ARHGAP22: variants seen among roughly 807,000 people sequenced by gnomAD.
The protein encoded by ARHGAP22 is Rho GTPase activating protein 22.
ARHGAP22 carries 48 observed loss-of-function variants against 59.1 expected under a neutral mutation model. That is an observed-to-expected ratio of 0.81 (90% CI 0.64 to 1.03). The LOEUF is 1.03. Among genes scored for constraint, ARHGAP22 ranks in the 50% least tolerant of loss-of-function variants. The pLI is 0.00. For missense variants in ARHGAP22, 1,015 were observed against 958.7 expected, an observed-to-expected ratio of 1.06 and a Z score of -0.78; for synonymous variants, 445 against 416.4, an observed-to-expected ratio of 1.07 and a Z score of -0.84.
At chr10:48,520,844 C>T (rs189660831) in intron 3 of ARHGAP22, among the ~76,000 whole-genome samples, 1 of 152,114 alleles carries the variant, frequency 6.6e-6, no homozygotes, top group African/African-American at 2.4e-5. Context: ...AGAATGAGCA[C>T]GTGTCAGGAT....
chr10:48,484,381 T>C (rs2049648293), intron 3 of ARHGAP22, among the ~76,000 whole-genome samples: 1 of 152,244 alleles, frequency 6.6e-6, no homozygotes, highest in Non-Finnish European at 1.5e-5. Context: ...TTTTATATAT[T>C]GTTGTTTTGA....
intron 5 of ARHGAP22, among the ~76,000 whole-genome samples, chr10:48,459,232 C>T (rs1350563278): frequency 2.0e-5 from 3 of 152,106 alleles, no homozygotes; most frequent in African/African-American, 2.4e-5. Flanking sequence ...GGAGGAGACT[C>T]GCTCTCCTGT....
At chr10:48,455,710 C>A (rs2046429885) in intron 5 of ARHGAP22, among the ~76,000 whole-genome samples, 1 of 152,214 alleles carries the variant, frequency 6.6e-6, no homozygotes, top group Admixed American at 6.5e-5. Context: ...TAGGTGCTGC[C>A]AACCCCCAGC....
intron 3 of ARHGAP22, among the ~76,000 whole-genome samples, chr10:48,544,213 T>C (rs2056227888): frequency 6.6e-6 from 1 of 152,196 alleles, no homozygotes. Flanking sequence ...ACAGCTGTCT[T>C]GCCAAGTAGG....
chr10:48,451,485 C>T (rs1207061605), intron 8 of ARHGAP22: 2 of 702,516 alleles, frequency 2.8e-6, no homozygotes, highest in Admixed American at 4.0e-5. Flanking sequence ...AACCTGGGAC[C>T]TGAGATGCCA....
At chr10:48,440,277 A>G in the ARHGAP22 span, among the ~76,000 whole-genome samples, 3 of 152,238 alleles carry the variant, frequency 2.0e-5, no homozygotes, top group African/African-American at 7.2e-5. Context: ...TGAAACCAAA[A>G]GATACTTCAA....
At chr10:48,442,221 G>A (rs1430044107), downstream of ARHGAP22, among the ~76,000 whole-genome samples, 1 of 152,136 alleles carries the variant, frequency 6.6e-6, no homozygotes, top group Non-Finnish European at 1.5e-5. Flanking sequence ...CTCAACTCTG[G>A]GGCTGTGCTT....
intron 3 of ARHGAP22, among the ~76,000 whole-genome samples, chr10:48,529,640 A>C (rs1188230212): frequency 6.6e-6 from 1 of 152,216 alleles, no homozygotes; most frequent in Non-Finnish European, 1.5e-5. Context: ...GGATTCTCCA[A>C]GTGATACCAT....
upstream of ARHGAP22, chr10:48,605,235 G>C (rs1324027035): frequency 1.1e-6 from 1 of 873,140 alleles, no homozygotes; most frequent in African/African-American, 1.8e-5. Flanking sequence ...ATCCTTTGCT[G>C]AGGCTGGAAG....
intron 1 of ARHGAP22, among the ~76,000 whole-genome samples, chr10:48,651,455 C>T (rs532467290): frequency 6.6e-6 from 1 of 151,970 alleles, no homozygotes; most frequent in East Asian, 1.9e-4. Flanking sequence ...CCAGTCAGCA[C>T]CTGCACAACA....
At chr10:48,595,961 C>A (rs1456468796) in intron 1 of ARHGAP22, among the ~76,000 whole-genome samples, 1 of 152,210 alleles carries the variant, frequency 6.6e-6, no homozygotes, top group Non-Finnish European at 1.5e-5. Context: ...ACAGCCTATC[C>A]ATTCCTGCCC....
rs2055263833 is a variant in ARHGAP22 at position 48,535,539 on chromosome 10, C to T, written c.322+19924G>A. 3.3e-5 allele frequency among the ~76,000 whole-genome samples: 5 copies of T among 152,204 alleles called. No individual in the cohort carries two copies. In the South Asian group the frequency reaches 1.0e-3, roughly 32 times the overall value. ...GTCACTCCTACCTGTGTTTCCTTGA[C>T]CAGGGTTTAGTCATGTGACCCTGTC... On this transcript the variant is annotated intron_variant, in intron 3 of 9. Coordinates refer to ENST00000249601, the MANE Select transcript of ARHGAP22 (RefSeq NM_021226.4).
intron 3 of ARHGAP22, among the ~76,000 whole-genome samples, chr10:48,511,910 A>T (rs2052807909): frequency 6.6e-6 from 1 of 152,214 alleles, no homozygotes; most frequent in African/African-American, 2.4e-5. Context: ...CAGGCTGAAG[A>T]ACAGCAGTCC....
At chr10:48,526,799 A>G (rs1001030167) in intron 3 of ARHGAP22, among the ~76,000 whole-genome samples, 1 of 152,252 alleles carries the variant, frequency 6.6e-6, no homozygotes, top group Admixed American at 6.5e-5. Flanking sequence ...AACCGTTTAA[A>G]TATATTTTGG....
intron 3 of ARHGAP22, among the ~76,000 whole-genome samples, chr10:48,482,750 G>A (rs540308760): frequency 2.6e-5 from 4 of 152,256 alleles, no homozygotes; most frequent in African/African-American, 9.6e-5. Context: ...AATTTGGGGT[G>A]TCCATCACTT....
chr10:48,543,915 A>G (rs1314013099), intron 3 of ARHGAP22, among the ~76,000 whole-genome samples: 1 of 152,132 alleles, frequency 6.6e-6, no homozygotes, highest in Non-Finnish European at 1.5e-5. Flanking sequence ...TGAGGTCAGG[A>G]GTTCGAGACC....
chr10:48,630,682 G>A (rs950787127), intron 1 of ARHGAP22, among the ~76,000 whole-genome samples: 3 of 152,164 alleles, frequency 2.0e-5, no homozygotes, highest in Admixed American at 6.5e-5. Context: ...AGTTGCAAGA[G>A]TTTTTTCCAT....
chr10:48,577,801 GTTTTTTTT>G (rs34557935), intron 2 of ARHGAP22, among the ~76,000 whole-genome samples: 1 of 59,142 alleles, frequency 1.7e-5, no homozygotes, highest in Non-Finnish European at 2.9e-5. Flanking sequence ...CTCTTTTTTG[GTTTTTTTT>G]TTTTTTTTTT....
chr10:48,465,502 G>C (rs1330409484), intron 4 of ARHGAP22, among the ~76,000 whole-genome samples: 1 of 152,232 alleles, frequency 6.6e-6, no homozygotes, highest in East Asian at 1.9e-4. Context: ...GACCACACCA[G>C]GCACCCAGGA....
Sources: gnomAD v4.1 joint callset for allele counts (sites outside exome capture counted in the v4.1 genomes callset) on GRCh38, gnomAD v4.1.1 for gene constraint, MANE v1.5 for transcripts, NCBI Gene and HGNC (gene_info 2026-07-23, HGNC 2026-07-21) for gene names.